Variants in KBTBD2 observed in about 807,000 individuals in gnomAD.
KBTBD2 encodes the protein kelch repeat and BTB domain containing 2.
A neutral mutation model predicts 57.1 loss-of-function variants in KBTBD2; 17 were observed. That is an observed-to-expected ratio of 0.30 (90% CI 0.20 to 0.45). KBTBD2 has a LOEUF of 0.45. KBTBD2 is among the 20% of genes least tolerant of loss of function. KBTBD2 has a pLI of 1.00. For missense variants in KBTBD2, 515 were observed against 750.6 expected (o/e 0.69, Z 3.67); for synonymous variants, 267 against 262.7 (o/e 1.02, Z -0.16).
chr7:32,877,027 T>C (rs1022089672), intron 2 of KBTBD2, among the ~76,000 whole-genome samples: 1 of 116,572 alleles, frequency 8.6e-6, no homozygotes, highest in Non-Finnish European at 1.7e-5. Flanking sequence ...GCTTTTCTTT[T>C]TCTTTTTTTG....
upstream of KBTBD2, chr7:32,891,859 G>GCCGCGAGACGCCGGGC (rs1318021972): frequency 1.7e-5 from 2 of 114,288 alleles, no homozygotes; most frequent in Non-Finnish European, 3.7e-5. Flanking sequence ...TCAGTCCGGG[G>GCCGCGAGACGCCGGGC]CCGCGAGACG....
chr7:32,877,797 GA>G (rs1784348946), intron 2 of KBTBD2, among the ~76,000 whole-genome samples: 1 of 152,094 alleles, frequency 6.6e-6, no homozygotes, highest in Non-Finnish European at 1.5e-5. Flanking sequence ...ATCTGTGGGG[GA>G]CTGATTGGTT....
At chr7:32,885,594 C>T (rs1198437128) in intron 1 of KBTBD2, among the ~76,000 whole-genome samples, 2 of 151,952 alleles carry the variant, frequency 1.3e-5, no homozygotes, top group African/African-American at 4.8e-5. Flanking sequence ...AGCCACAATT[C>T]CTGGTATCAG....
At chr7:32,876,783 C>G (rs956496709) in intron 2 of KBTBD2, among the ~76,000 whole-genome samples, 2 of 152,016 alleles carry the variant, frequency 1.3e-5, no homozygotes, top group African/African-American at 4.8e-5. Context: ...TGGTGAAACC[C>G]TGTCTCCACT....
In KBTBD2 at chr7:32,889,558, G is replaced by A. The variant is rs777923283; in HGVS notation, c.-339+1978C>T. On this transcript the variant is annotated intron_variant, in intron 1 of 3. Coordinates refer to ENST00000304056, the MANE Select transcript of KBTBD2 (RefSeq NM_015483.3). ...GGAGGTTGCAGTGAGCCGAGATCGT[G>A]ACACTGCACACCAGCCTGAGTGACA... Among the ~76,000 whole-genome samples, 6 of 151,960 alleles carry A rather than the reference G, an allele frequency of 3.9e-5. No individual in the cohort carries two copies. In the South Asian group the frequency reaches 1.0e-3, roughly 26 times the overall value.
In KBTBD2 at chr7:32,869,619, G is replaced by A. The variant is rs1170208950; in HGVS notation, c.1598C>T (p.Ser533Phe). ...GGTTTCTCGCATAAACACACATAGA[G>A]AATTTGAGATCACAACAGCTCTAAC... is the stretch of plus-strand genomic sequence containing the variant. ...PCVRAVVISN[S>F]LCVFMRETHL... The change falls in exon 4 of 4, where the codon TCT (serine) becomes TTT (phenylalanine). Residue 533 changes from serine (S) to phenylalanine (F), a missense_variant. Coordinates refer to ENST00000304056, the MANE Select transcript of KBTBD2 (RefSeq NM_015483.3). The A allele has an allele frequency of 8.1e-6, 13 of 1,614,044 alleles. No homozygotes were observed. Among genetic ancestry groups the A allele is most frequent in the Non-Finnish European group, 1.1e-5 (13 of 1,180,018 alleles).
intron 3 of KBTBD2, among the ~76,000 whole-genome samples, chr7:32,872,513 CA>C (rs534029641): frequency 6.6e-6 from 1 of 152,080 alleles, no homozygotes; most frequent in East Asian, 1.9e-4. Context: ...CTTGTCTCTA[CA>C]AAAAAATCAA....
intron 2 of KBTBD2, among the ~76,000 whole-genome samples, chr7:32,878,524 G>C (rs1277119244): frequency 6.6e-6 from 1 of 151,218 alleles, no homozygotes. Context: ...AGGTTGCAGT[G>C]AGCCGAGATC....
At chr7:32,881,565 T>A (rs138749585) in intron 1 of KBTBD2, among the ~76,000 whole-genome samples, 1 of 152,170 alleles carries the variant, frequency 6.6e-6, no homozygotes, top group Admixed American at 6.5e-5. Context: ...TAACTTGATA[T>A]ACAGTCAAGT....
chr7:32,872,894 T>G (rs1784216742), intron 3 of KBTBD2, among the ~76,000 whole-genome samples: 1 of 152,194 alleles, frequency 6.6e-6, no homozygotes, highest in African/African-American at 2.4e-5. Flanking sequence ...CCCAATCATT[T>G]TGGATAAAGG....
chr7:32,872,233 T>C (rs1005872825), intron 3 of KBTBD2, among the ~76,000 whole-genome samples: 2 of 151,970 alleles, frequency 1.3e-5, no homozygotes, highest in Non-Finnish European at 2.9e-5. Flanking sequence ...TAAAAAGTAA[T>C]GACAACTTGC....
At chr7:32,889,053 C>G (rs928269092) in intron 1 of KBTBD2, among the ~76,000 whole-genome samples, 1 of 152,134 alleles carries the variant, frequency 6.6e-6, no homozygotes, top group African/African-American at 2.4e-5. Context: ...TGGCTCACAC[C>G]AGTAAATCCC....
chr7:32,891,123 C>A (rs973087707), intron 1 of KBTBD2: 5 of 152,198 alleles, frequency 3.3e-5, no homozygotes, highest in African/African-American at 9.7e-5. Flanking sequence ...CTCCTTCGGC[C>A]CACCATGTCG....
chr7:32,875,336 A>G (rs556964266), intron 2 of KBTBD2, among the ~76,000 whole-genome samples, 179 bp from the exon 3 acceptor site: 1 of 152,302 alleles, frequency 6.6e-6, no homozygotes, highest in East Asian at 1.9e-4. Flanking sequence ...CAGTGGTACC[A>G]TCATGGCTCA....
At position 32,869,332 on chromosome 7, in the gene KBTBD2, C is replaced by G. The variant is rs1384932791; in HGVS notation, c.*13G>C. 2 of 1,575,718 alleles carry G rather than the reference C, an allele frequency of 1.3e-6. No individual in the cohort carries two copies. Among genetic ancestry groups the G allele is most frequent in the Non-Finnish European group, 1.7e-6 (2 of 1,157,666 alleles). On this transcript the variant is annotated 3_prime_UTR_variant, in exon 4 of 4. Coordinates refer to ENST00000304056, the MANE Select transcript of KBTBD2 (RefSeq NM_015483.3). ...AGCACATAACTCAGGCGTGCACTCC[C>G]TGAACTTCCCCACTATACAGGTGGT...
intron 2 of KBTBD2, among the ~76,000 whole-genome samples, chr7:32,876,983 C>A (rs1383375689): frequency 6.6e-6 from 1 of 152,002 alleles, no homozygotes; most frequent in African/African-American, 2.4e-5. Flanking sequence ...AACAGACAAA[C>A]AAAACCCACT....
At chr7:32,877,884 G>A (rs1257361653) in intron 2 of KBTBD2, among the ~76,000 whole-genome samples, 1 of 151,952 alleles carries the variant, frequency 6.6e-6, no homozygotes, top group Non-Finnish European at 1.5e-5. Context: ...CGAGGCGGGT[G>A]GATCACTTGA....
chr7:32,886,074 A>G (rs1784574427), intron 1 of KBTBD2, among the ~76,000 whole-genome samples: 1 of 151,898 alleles, frequency 6.6e-6, no homozygotes, highest in African/African-American at 2.4e-5. Context: ...ATGTCCGGCT[A>G]ATTTTTCACA....
chr7:32,884,299 G>A (rs1784513741), intron 1 of KBTBD2, among the ~76,000 whole-genome samples: 1 of 151,972 alleles, frequency 6.6e-6, no homozygotes, highest in South Asian at 2.1e-4. Flanking sequence ...GGTACCTTGA[G>A]GCCAAGAGTT....
Sources: gnomAD v4.1 joint callset for allele counts (sites outside exome capture counted in the v4.1 genomes callset) on GRCh38, gnomAD v4.1.1 for gene constraint, MANE v1.5 for transcripts, NCBI Gene and HGNC (gene_info 2026-07-23, HGNC 2026-07-21) for gene names.